The following ESRRB variants were observed in gnomAD, a reference collection of about 807,000 sequenced individuals.
The protein encoded by ESRRB is estrogen related receptor beta, also known as steroid hormone receptor ERR2.
In ESRRB, 16 loss-of-function variants were observed where a neutral mutation model predicts 46.0. The ratio of observed to expected loss-of-function variants is 0.35; its 90% CI spans 0.24 to 0.53. The LOEUF (loss-of-function observed/expected upper bound fraction) is 0.53, where lower values mean the gene tolerates loss of function less well. Among genes scored for constraint, ESRRB ranks in the 20% least tolerant of loss-of-function variants. The probability of loss-of-function intolerance (pLI) is 0.93; values close to 1 mark genes in which losing one functional copy is unlikely to be tolerated. For missense variants in ESRRB, 488 were observed against 607.4 expected, an observed-to-expected ratio of 0.80 and a Z score of 2.07; for synonymous variants, 246 against 259.6, an observed-to-expected ratio of 0.95 and a Z score of 0.50.
chr14:76,313,605 A>G (rs1400312006), intron 1 of ESRRB, among the ~76,000 whole-genome samples: 1 of 152,176 alleles, frequency 6.6e-6, no homozygotes, highest in African/African-American at 2.4e-5. Context: ...AAATACCTGG[A>G]AAGTGCTCCC....
chr14:76,444,088 G>GGC (rs1888032123), intron 2 of ESRRB, among the ~76,000 whole-genome samples: 1 of 151,620 alleles, frequency 6.6e-6, no homozygotes, highest in Non-Finnish European at 1.5e-5. Flanking sequence ...TTGAGACAGA[G>GGC]TCTCGCTCTG....
At chr14:76,465,615 G>A (rs538988490) in intron 3 of ESRRB, among the ~76,000 whole-genome samples, 2 of 152,322 alleles carry the variant, frequency 1.3e-5, no homozygotes, top group South Asian at 4.1e-4. Context: ...TTCAGGGGAA[G>A]CCTCAGTGTT....
chr14:76,422,131 G>T (rs543665269), intron 1 of ESRRB, among the ~76,000 whole-genome samples: 2 of 152,022 alleles, frequency 1.3e-5, no homozygotes, highest in African/African-American at 4.8e-5. Context: ...CAAGGAGCCT[G>T]GGAGTGACCC....
rs562954132 is a variant in ESRRB, at chr14:76,467,548, C to G, written c.577+4887C>G. Among the ~76,000 whole-genome samples the G allele has an allele frequency of 4.6e-5, 7 of 151,600 alleles. No individual in the cohort carries two copies. The South Asian group carries it at 1.5e-3, about 32-fold the overall frequency. On this transcript the variant is annotated intron_variant, in intron 3 of 6. Coordinates refer to ENST00000644823, the MANE Select transcript of ESRRB (RefSeq NM_001379180.1). ...TTCTAGTGTTTGATTCAAAGACAAC[C>G]TCATTTACACTCAGCTTTTCATCAG...
chr14:76,338,393 G>T (rs1000807181), intron 1 of ESRRB, among the ~76,000 whole-genome samples: 1 of 152,150 alleles, frequency 6.6e-6, no homozygotes, highest in African/African-American at 2.4e-5. Flanking sequence ...TGCCAGCCCT[G>T]CCAGCCAGGA....
In ESRRB at chr14:76,500,564, A is replaced by G. The variant is rs1442527731; in HGVS notation, c.*2106A>G. ...GGGGTGTGTGCTTTGGGACTCCCTCAGTCTCTCACTGTGCTGTGTCCTTGC... is the reference window on the plus strand; with the variant it reads ...GGGGTGTGTGCTTTGGGACTCCCTCGGTCTCTCACTGTGCTGTGTCCTTGC... On this transcript the variant is annotated 3_prime_UTR_variant, in exon 7 of 7. Coordinates refer to ENST00000644823, the MANE Select transcript of ESRRB (RefSeq NM_001379180.1). 1 of 871,408 alleles carries G rather than the reference A, an allele frequency of 1.1e-6. No homozygotes were observed. The highest frequency in any genetic ancestry group is 1.9e-6 in the Non-Finnish European group (1 of 517,692). 54.0% of individuals were successfully genotyped at this position (871,408 alleles called of 1,614,324 possible).
intron 2 of ESRRB, among the ~76,000 whole-genome samples, chr14:76,458,840 C>CTTT (rs58084859): frequency 4.9e-4 from 62 of 126,264 alleles, no homozygotes; most frequent in Non-Finnish European, 6.8e-4. Flanking sequence ...TCACCCTCTC[C>CTTT]TTTTTTTTTT....
intron 1 of ESRRB, among the ~76,000 whole-genome samples, chr14:76,354,203 G>T: frequency 8.2e-6 from 1 of 122,682 alleles, no homozygotes; most frequent in Admixed American, 8.2e-5. Flanking sequence ...GCCCTTCCTT[G>T]GCCCCCAGGG....
chr14:76,367,762 C>A (rs534379380), upstream of ESRRB, among the ~76,000 whole-genome samples: 1 of 152,130 alleles, frequency 6.6e-6, no homozygotes, highest in South Asian at 2.1e-4. Context: ...GTCCAGGGAA[C>A]CCGAGCCAAC....
chr14:76,364,932 C>T (rs1884503628), intron 1 of ESRRB, among the ~76,000 whole-genome samples: 1 of 152,158 alleles, frequency 6.6e-6, no homozygotes, highest in African/African-American at 2.4e-5. Context: ...TAATCGTGAA[C>T]TTTCCTGATC....
intron 1 of ESRRB, among the ~76,000 whole-genome samples, chr14:76,323,240 A>AT (rs1204785346): frequency 1.3e-5 from 2 of 148,502 alleles, no homozygotes; most frequent in South Asian, 2.1e-4. Flanking sequence ...CTTTGGGGAC[A>AT]TTTTTTTTCT....
At chr14:76,358,389 A>T (rs1265640624) in intron 1 of ESRRB, among the ~76,000 whole-genome samples, 1 of 105,794 alleles carries the variant, frequency 9.5e-6, no homozygotes, top group Non-Finnish European at 2.1e-5. Flanking sequence ...GAAAGAAAGA[A>T]AGAAAGAAAG....
At chr14:76,337,258 G>A (rs543372404) in intron 1 of ESRRB, among the ~76,000 whole-genome samples, 10 of 152,330 alleles carry the variant, frequency 6.6e-5, no homozygotes, top group African/African-American at 2.4e-4. Context: ...CTGGGGCTGA[G>A]GCATCCTGTC....
intron 1 of ESRRB, among the ~76,000 whole-genome samples, chr14:76,432,351 G>A (rs1207778427): frequency 6.6e-6 from 1 of 152,226 alleles, no homozygotes; most frequent in Non-Finnish European, 1.5e-5. Context: ...TGGAGATGGG[G>A]CCCGCTTGCA....
chr14:76,418,389 T>C lies in ESRRB; in HGVS notation c.51-20952T>C, dbSNP rs527901789. Reference sequence around the variant, plus strand: ...TTGTTAGCTTCCTATGTTACCATGATAGATTTGTCACAACTAAGAAACTTA... The same window carrying C: ...TTGTTAGCTTCCTATGTTACCATGACAGATTTGTCACAACTAAGAAACTTA... On this transcript the variant is annotated intron_variant, in intron 1 of 6. Coordinates refer to ENST00000644823, the MANE Select transcript of ESRRB (RefSeq NM_001379180.1). Among the ~76,000 whole-genome samples, 34 of 152,366 alleles carry C rather than the reference T, an allele frequency of 2.2e-4. 1 individual carries two copies. Among genetic ancestry groups the C allele is most frequent in the Middle Eastern group, 3.4e-3 (1 of 294 alleles).
chr14:76,327,216 G>A (rs761538959), intron 1 of ESRRB, among the ~76,000 whole-genome samples: 2 of 152,204 alleles, frequency 1.3e-5, no homozygotes, highest in Non-Finnish European at 2.9e-5. Flanking sequence ...AGCTGCCTGC[G>A]TGTCACCCAG....
chr14:76,485,030 G>T (rs7155416), intron 5 of ESRRB, among the ~76,000 whole-genome samples: 17,357 of 152,070 alleles, frequency 0.11, 1,048 homozygotes, highest in Middle Eastern at 0.17. Context: ...TCCAAAGCCG[G>T]ATTCTTTTTG....
chr14:76,359,183 A>G (rs1475870790), intron 1 of ESRRB, among the ~76,000 whole-genome samples: 1 of 152,236 alleles, frequency 6.6e-6, no homozygotes, highest in Admixed American at 6.5e-5. Context: ...ATCAGTTCCT[A>G]TGATCATCTG....
intron 1 of ESRRB, among the ~76,000 whole-genome samples, chr14:76,347,083 T>A (rs1252899814): frequency 6.6e-6 from 1 of 152,180 alleles, no homozygotes; most frequent in African/African-American, 2.4e-5. Flanking sequence ...CTTTGTCCCT[T>A]ACCCTGGCCT....
Sources: allele counts gnomAD v4.1 joint callset (sites outside exome capture counted in the v4.1 genomes callset), GRCh38; gene constraint gnomAD v4.1.1; transcripts MANE v1.5; gene names NCBI Gene and HGNC (gene_info 2026-07-23, HGNC 2026-07-21).